Variants in WFDC11 observed in about 807,000 individuals in gnomAD.
WFDC11 encodes the protein WAP four-disulfide core domain 11, also known as protein WFDC11.
In WFDC11, 9 loss-of-function variants were observed where a neutral mutation model predicts 9.9. The ratio of observed to expected loss-of-function variants is 0.91; its 90% CI spans 0.55 to 1.58. The LOEUF is 1.58. Among genes scored for constraint, WFDC11 ranks in the 40% most tolerant of loss-of-function variants. The probability of loss-of-function intolerance (pLI) is 0.00; values close to 1 mark genes in which losing one functional copy is unlikely to be tolerated. For synonymous variants in WFDC11, 32 were observed against 33.3 expected, an observed-to-expected ratio of 0.96 and a Z score of 0.13; for missense variants, 106 against 101.7, an observed-to-expected ratio of 1.04 and a Z score of -0.18.
intron 1 of WFDC11, among the ~76,000 whole-genome samples, chr20:45,668,504 T>C (rs962281798): frequency 2.0e-5 from 3 of 152,160 alleles, no homozygotes; most frequent in Non-Finnish European, 2.9e-5. Context: ...GAAAAAGATT[T>C]CTTTTCAAGA....
intron 1 of WFDC11, among the ~76,000 whole-genome samples, chr20:45,669,941 G>C (rs1295234590): frequency 1.3e-5 from 2 of 151,926 alleles, no homozygotes; most frequent in African/African-American, 4.8e-5. Flanking sequence ...ACTAAAGAAA[G>C]AGAAAATCCA....
At chr20:45,665,183 A>G (rs1260626542) in intron 2 of WFDC11, among the ~76,000 whole-genome samples, 1 of 152,082 alleles carries the variant, frequency 6.6e-6, no homozygotes, top group African/African-American at 2.4e-5. Context: ...AATCACTGAT[A>G]CCCTTTCTTC....
intron 2 of WFDC11, among the ~76,000 whole-genome samples, chr20:45,654,547 C>A (rs1982879909): frequency 6.6e-6 from 1 of 152,066 alleles, no homozygotes; most frequent in Non-Finnish European, 1.5e-5. Context: ...CAAACAAATT[C>A]AAAAGCTAGC....
Position 45,651,265 on chromosome 20 carries a change from C to T in WFDC11, c.-51-614G>A, listed in dbSNP as rs144869659. ...TATACACCATATATATAGAGAGGGT[C>T]CTTAACTTATGATGGTTTGACATAC... On this transcript the variant is annotated intron_variant, in intron 2 of 4. Coordinates refer to ENST00000324384, the MANE Select transcript of WFDC11 (RefSeq NM_147197.2). 1.8e-4 allele frequency among the ~76,000 whole-genome samples: 27 copies of T among 152,258 alleles called. No individual in the cohort carries two copies. In the East Asian group the frequency reaches 5.2e-3, roughly 29 times the overall value.
chr20:45,665,083 G>A (rs1381568724), intron 2 of WFDC11, among the ~76,000 whole-genome samples: 1 of 152,056 alleles, frequency 6.6e-6, no homozygotes, highest in African/African-American at 2.4e-5. Context: ...TTTTCACATA[G>A]TCCCGTATTT....
chr20:45,667,908 A>G (rs1424678648), intron 1 of WFDC11, among the ~76,000 whole-genome samples: 4 of 152,238 alleles, frequency 2.6e-5, no homozygotes, highest in African/African-American at 9.6e-5. Context: ...ACCCAGTTGG[A>G]CACCAAATTC....
intron 2 of WFDC11, among the ~76,000 whole-genome samples, chr20:45,651,915 G>A (rs1056767465): frequency 2.0e-5 from 3 of 152,190 alleles, no homozygotes; most frequent in African/African-American, 7.2e-5. Context: ...GCCGAGGTTT[G>A]AGTAGGTAAA....
At chr20:45,658,796 C>A (rs142418637) in intron 2 of WFDC11, among the ~76,000 whole-genome samples, 1 of 151,968 alleles carries the variant, frequency 6.6e-6, no homozygotes, top group African/African-American at 2.4e-5. Context: ...TAGGTATACA[C>A]GTGCCATGGT....
At position 45,670,236 on chromosome 20, in the gene WFDC11, A is replaced by C. The variant is rs376467759; in HGVS notation, c.-192T>G. On this transcript the variant is annotated 5_prime_UTR_variant, in exon 1 of 5. Transcript: ENST00000324384. ...CAGCCAAATTCTACCAGACATATAA[A>C]GAAGAGCTGGTGCCAATCCTACTGA... The C allele has an allele frequency of 6.6e-6, 1 of 152,158 alleles. No homozygotes were observed. Among genetic ancestry groups the C allele is most frequent in the East Asian group, 1.9e-4 (1 of 5,198 alleles). 9.4% of individuals were successfully genotyped at this position (152,158 alleles called of 1,614,324 possible).
At chr20:45,669,593 T>G (rs1983256456) in intron 1 of WFDC11, among the ~76,000 whole-genome samples, 1 of 152,154 alleles carries the variant, frequency 6.6e-6, no homozygotes, top group East Asian at 1.9e-4. Context: ...ACAACAAAAT[T>G]AAGACAGAAA....
rs1368975213 is a variant in WFDC11 at position 45,650,593 on chromosome 20, C to T, written c.8G>A (p.Ser3Asn). The change falls in exon 3 of 5, where the codon AGC becomes AAC. Residue 3 changes from serine to asparagine, a missense_variant. Ser to Asn is a conservative substitution (Grantham distance 46). Transcript: ENST00000324384. ...CATGGGTATCCAGAGCTTCATGAGG[C>T]TGACCATATGTGTCTGAATATGTGT... is the stretch of plus-strand genomic sequence containing the variant. MV[S>N]LMKLWIPMLM... 5 of 1,613,816 alleles carry T rather than the reference C, an allele frequency of 3.1e-6. No individual in the cohort carries two copies. The highest frequency in any genetic ancestry group is 4.2e-6 in the Non-Finnish European group (5 of 1,179,714).
intron 2 of WFDC11, among the ~76,000 whole-genome samples, chr20:45,654,601 T>A (rs1477110026): frequency 6.6e-6 from 1 of 151,902 alleles, no homozygotes; most frequent in Non-Finnish European, 1.5e-5. Context: ...CTGAAGGAAA[T>A]AGAGACATAA....
chr20:45,654,189 C>T (rs1387510537), intron 2 of WFDC11, among the ~76,000 whole-genome samples: 1 of 152,214 alleles, frequency 6.6e-6, no homozygotes, highest in Non-Finnish European at 1.5e-5. Context: ...AAGTAAAGCA[C>T]TCCTCAGCAA....
intron 2 of WFDC11, among the ~76,000 whole-genome samples, chr20:45,655,421 T>A (rs1982907514): frequency 6.6e-6 from 1 of 152,196 alleles, no homozygotes; most frequent in East Asian, 1.9e-4. Context: ...TAGGTATTGA[T>A]GGGATGTATC....
At chr20:45,657,589 G>T (rs1203022959) in intron 2 of WFDC11, among the ~76,000 whole-genome samples, 18 of 151,960 alleles carry the variant, frequency 1.2e-4, no homozygotes, top group Non-Finnish European at 4.4e-5. Context: ...ATAATAAAAA[G>T]AAAATGAACA....
At chr20:45,655,462 G>C (rs1285084583) in intron 2 of WFDC11, among the ~76,000 whole-genome samples, 2 of 152,040 alleles carry the variant, frequency 1.3e-5, no homozygotes, top group African/African-American at 4.8e-5. Flanking sequence ...TATGACAAAT[G>C]CACAGCCAAT....
chr20:45,660,806 C>T (rs1983042942), intron 2 of WFDC11, among the ~76,000 whole-genome samples: 1 of 152,112 alleles, frequency 6.6e-6, no homozygotes, highest in Non-Finnish European at 1.5e-5. Flanking sequence ...TTTCTTAATC[C>T]AGTCTATCAT....
intron 2 of WFDC11, among the ~76,000 whole-genome samples, chr20:45,657,327 G>T (rs570235854): frequency 6.6e-6 from 1 of 150,884 alleles, no homozygotes; most frequent in African/African-American, 2.4e-5. Flanking sequence ...GCAAACTATC[G>T]CAAGGACAAA....
chr20:45,667,233 T>C (rs1042344944), intron 1 of WFDC11, 64 bp from the exon 2 acceptor site: 1 of 152,250 alleles, frequency 6.6e-6, no homozygotes, highest in African/African-American at 2.4e-5. Context: ...ATGCTTCTGG[T>C]TGTGGCAGAT....
Sources: gnomAD v4.1 joint callset for allele counts (sites outside exome capture counted in the v4.1 genomes callset) on GRCh38, gnomAD v4.1.1 for gene constraint, MANE v1.5 for transcripts, NCBI Gene and HGNC (gene_info 2026-07-23, HGNC 2026-07-21) for gene names.